The following TMIGD2 variants were observed in gnomAD, a reference collection of about 807,000 sequenced individuals.
The protein encoded by TMIGD2 is transmembrane and immunoglobulin domain-containing protein 2.
In TMIGD2, 18 loss-of-function variants were observed where a neutral mutation model predicts 22.6. The ratio of observed to expected loss-of-function variants is 0.80; its 90% CI spans 0.55 to 1.18. The LOEUF (loss-of-function observed/expected upper bound fraction) is 1.18. Among genes scored for constraint, TMIGD2 ranks in the 50% most tolerant of loss-of-function variants. The pLI is 0.00. For synonymous variants in TMIGD2, 184 were observed against 154.1 expected (o/e 1.19, Z -1.44); for missense variants, 361 against 378.2 (o/e 0.95, Z 0.38).
At chr19:4,292,407 T>C in exon 5 of TMIGD2, 2 of 657,132 alleles carry the variant, frequency 3.0e-6, no homozygotes, top group Non-Finnish European at 5.4e-6. Context: ...AGTGGCGCAA[T>C]CTCGGCTCAC....
intron 1 of TMIGD2, among the ~76,000 whole-genome samples, chr19:4,302,002 G>T (rs1971542593): frequency 6.6e-6 from 1 of 152,156 alleles, no homozygotes. Flanking sequence ...CAGGTGCAAA[G>T]GCTCGAAGGC....
chr19:4,294,793 G>T (rs147066554), exon 3 of TMIGD2: 1 of 1,586,828 alleles, frequency 6.3e-7, no homozygotes, highest in Admixed American at 1.8e-5. Flanking sequence ...CTTGCGATCC[G>T]GTTTCTGTTC....
At position 4,297,892 on chromosome 19, in the gene TMIGD2, TAG is replaced by T. The variant is rs902657987; in HGVS notation, c.406+92_406+93del. On this transcript the variant is annotated intron_variant, in intron 2 of 4. Transcript: ENST00000301272. Reference sequence around the variant, plus strand: ...AAAAAAAAGTTTGATATGAAGAATTTAGAGTTTTTTGTTTCTAGGAGTTTAAG... The same window carrying T: ...AAAAAAAAGTTTGATATGAAGAATTTAGTTTTTTGTTTCTAGGAGTTTAAG... 1.8e-5 allele frequency: 26 copies of T among 1,418,022 alleles called. No individual in the cohort carries two copies. The Admixed American group carries it at 5.7e-4, about 31-fold the overall frequency. The allele number at this position is 1,418,022 out of a possible 1,614,324, so 87.8% of individuals were successfully genotyped here.
intron 1 of TMIGD2, among the ~76,000 whole-genome samples, chr19:4,299,295 AC>A (rs1263263153): frequency 6.6e-6 from 1 of 151,732 alleles, no homozygotes; most frequent in African/African-American, 2.4e-5. Flanking sequence ...CAGGCATGTA[AC>A]CACTATGCCT....
chr19:4,293,182 T>C lies in TMIGD2; in HGVS notation c.563-297A>G, dbSNP rs185688874. Among the ~76,000 whole-genome samples the C allele has an allele frequency of 8.0e-3, 1,211 of 150,900 alleles. 3 individuals carry two copies. Among genetic ancestry groups the C allele is most frequent in the East Asian group, 0.026 (136 of 5,144 alleles). ...GTTTCACTGTTAGCCAGGATGGTCTTGATCTCCTGACCTCGTGATCCACCC... is the reference window on the plus strand; with the variant it reads ...GTTTCACTGTTAGCCAGGATGGTCTCGATCTCCTGACCTCGTGATCCACCC... On this transcript the variant is annotated intron_variant, in intron 4 of 4. Transcript: ENST00000301272.
intron 4 of TMIGD2, among the ~76,000 whole-genome samples, chr19:4,293,679 C>T (rs1251930812): frequency 6.6e-6 from 1 of 151,844 alleles, no homozygotes; most frequent in Non-Finnish European, 1.5e-5. Context: ...TCACTGCAGC[C>T]TCCGCCTCCC....
chr19:4,296,258 C>A (rs1483765528), intron 2 of TMIGD2, among the ~76,000 whole-genome samples: 1 of 152,152 alleles, frequency 6.6e-6, no homozygotes, highest in Admixed American at 6.6e-5. Context: ...TAAAGTCACC[C>A]GACCTGATGA....
Position 4,300,957 on chromosome 19 carries a change from T to A in TMIGD2, c.46+1383A>T, listed in dbSNP as rs189418316. On this transcript the variant is annotated intron_variant, in intron 1 of 4. Coordinates refer to ENST00000301272, the Ensembl canonical transcript of TMIGD2. ...AGAAAGCAGGGAAGAAATAGTCCAA[T>A]TGAAGTTTTTGTTTTTGTTTTTGTT... Among the ~76,000 whole-genome samples the A allele has an allele frequency of 2.9e-4, 43 of 150,122 alleles. 1 individual carries two copies. Among genetic ancestry groups the A allele is most frequent in the African/African-American group, 1.0e-3 (43 of 40,976 alleles).
exon 4 of TMIGD2, chr19:4,294,663 G>A: frequency 6.3e-7 from 1 of 1,593,868 alleles, no homozygotes; most frequent in Non-Finnish European, 8.5e-7. Flanking sequence ...CCCACCCCCA[G>A]CAGCACGAAG....
At chr19:4,295,363 A>G (rs1019202677) in intron 2 of TMIGD2, among the ~76,000 whole-genome samples, 2 of 151,566 alleles carry the variant, frequency 1.3e-5, no homozygotes, top group African/African-American at 2.4e-5. Context: ...GATCGAGACC[A>G]TCCTGGCTAA....
intron 1 of TMIGD2, among the ~76,000 whole-genome samples, chr19:4,300,457 T>C (rs1044651407): frequency 6.6e-6 from 1 of 151,566 alleles, no homozygotes; most frequent in Non-Finnish European, 1.5e-5. Flanking sequence ...CTCGGGAGGC[T>C]GAGGCGGGAG....
At chr19:4,297,192 T>C (rs1324167015) in intron 2 of TMIGD2, among the ~76,000 whole-genome samples, 4 of 149,088 alleles carry the variant, frequency 2.7e-5, no homozygotes, top group African/African-American at 9.9e-5. Flanking sequence ...CTCAGCCTCC[T>C]GAGTAGCTGG....
Position 4,294,680 on chromosome 19 carries a change from C to CCTGGGTA in TMIGD2, c.449-7_449-1dup (p.Gly150ValfsTer38), listed in dbSNP as rs769488570. 9.4e-6 allele frequency: 15 copies of CCTGGGTA among 1,588,250 alleles called. No homozygotes were observed. In the East Asian group the frequency reaches 3.4e-4, roughly 36 times the overall value. The stretch of plus-strand genomic sequence containing the variant: ...CACCCCCAGCAGCACGAAGAGGAAT[C>CCTGGGTA]CTGGGTAGGGGGAGAAGAGATGGTC... On this transcript the variant is annotated frameshift_variant and splice_region_variant. Coordinates refer to ENST00000301272, the Ensembl canonical transcript of TMIGD2. LOFTEE classifies it high-confidence loss of function.
At chr19:4,299,354 C>T (rs1289754265) in intron 1 of TMIGD2, among the ~76,000 whole-genome samples, 1 of 151,828 alleles carries the variant, frequency 6.6e-6, no homozygotes, top group Non-Finnish European at 1.5e-5. Context: ...CTGTGTTGCC[C>T]AGGCTGGTGT....
rs191819438 is a variant in TMIGD2 at position 4,292,512 on chromosome 19, C to T, written c.*87G>A. 7.3e-4 allele frequency: 985 copies of T among 1,340,314 alleles called. 5 individuals are homozygous for T. In the African/African-American group the frequency reaches 0.012, roughly 16 times the overall value. The allele number at this position is 1,340,314 out of a possible 1,614,324, so 83.0% of individuals were successfully genotyped here. ...TCGGCTTCCCAAACTGCTGGGATTA[C>T]AGGCGTGAGCCACCGTGTCTGGCCT... On this transcript the variant is annotated 3_prime_UTR_variant, in exon 5 of 5. Coordinates refer to ENST00000301272, the Ensembl canonical transcript of TMIGD2.
intron 2 of TMIGD2, among the ~76,000 whole-genome samples, chr19:4,295,260 C>CAAAA (rs1223910504): frequency 2.4e-4 from 19 of 79,242 alleles, no homozygotes; most frequent in Non-Finnish European, 3.4e-4. Flanking sequence ...GACTCTGCCT[C>CAAAA]AAAAAAAAAA....
In TMIGD2 at chr19:4,297,858, T is replaced by TAAAAA. The variant is rs11303106; in HGVS notation, c.406+123_406+127dup. On this transcript the variant is annotated intron_variant, in intron 2 of 4. Transcript: ENST00000301272. Reference sequence around the variant, plus strand: ...GACGACAGAGCAAGACTCTGTCTCTTAAAAAAAAAAAAAAAAGTTTGATAT... The same window carrying TAAAAA: ...GACGACAGAGCAAGACTCTGTCTCTTAAAAAAAAAAAAAAAAAAAAAGTTTGATAT... 417 of 1,052,530 alleles carry TAAAAA rather than the reference T, an allele frequency of 4.0e-4. No homozygotes were observed. The African/African-American group carries it at 6.9e-3, about 17-fold the overall frequency. 65.2% of individuals were successfully genotyped at this position (1,052,530 alleles called of 1,614,324 possible).
chr19:4,296,259 G>A (rs140615769), intron 2 of TMIGD2, among the ~76,000 whole-genome samples: 14 of 152,248 alleles, frequency 9.2e-5, no homozygotes, highest in Admixed American at 5.2e-4. Flanking sequence ...AAAGTCACCC[G>A]ACCTGATGAG....
intron 4 of TMIGD2, among the ~76,000 whole-genome samples, chr19:4,294,071 A>C (rs955490341): frequency 2.1e-5 from 3 of 139,870 alleles, no homozygotes; most frequent in African/African-American, 8.1e-5. Context: ...CTAATTTTTA[A>C]ATTTTTTTTT....
Sources: gnomAD v4.1 joint callset for allele counts (sites outside exome capture counted in the v4.1 genomes callset) on GRCh38, gnomAD v4.1.1 for gene constraint, MANE v1.5 for transcripts, NCBI Gene and HGNC (gene_info 2026-07-23, HGNC 2026-07-21) for gene names.